The following MAP7 variants were observed in gnomAD, a reference collection of about 807,000 sequenced individuals.
MAP7 encodes the protein microtubule associated protein 7, also known as ensconsin.
MAP7 carries 52 observed loss-of-function variants against 94.8 expected under a neutral mutation model. The ratio of observed to expected loss-of-function variants is 0.55; its 90% CI spans 0.44 to 0.69. The LOEUF is 0.69. MAP7 is among the 30% of genes least tolerant of loss of function. MAP7 has a pLI of 0.00. For synonymous variants in MAP7, 350 were observed against 357.0 expected (o/e 0.98, Z 0.22); for missense variants, 940 against 964.6 (o/e 0.97, Z 0.34).
chr6:136,511,026 G>A (rs1302723666), intron 1 of MAP7, among the ~76,000 whole-genome samples: 1 of 152,106 alleles, frequency 6.6e-6, no homozygotes, highest in Non-Finnish European at 1.5e-5. Context: ...CACACAGCTG[G>A]CTGAATGAAG....
chr6:136,522,102 T>C (rs1231937993), intron 1 of MAP7, among the ~76,000 whole-genome samples: 1 of 152,132 alleles, frequency 6.6e-6, no homozygotes, highest in East Asian at 1.9e-4. Context: ...CTCAGCAAAA[T>C]TCACCGTCTA....
At chr6:136,534,178 G>T (rs1053829407) in intron 1 of MAP7, among the ~76,000 whole-genome samples, 11 of 152,186 alleles carry the variant, frequency 7.2e-5, no homozygotes, top group Admixed American at 2.0e-4. Flanking sequence ...TGTTTCTCTG[G>T]AGAGAAATAT....
intron 1 of MAP7, among the ~76,000 whole-genome samples, chr6:136,425,910 C>T (rs1467886890): frequency 6.6e-6 from 1 of 152,184 alleles, no homozygotes; most frequent in African/African-American, 2.4e-5. Flanking sequence ...TACACTACTC[C>T]ATGGGACATC....
chr6:136,400,633 A>G (rs1025927096), intron 3 of MAP7, among the ~76,000 whole-genome samples: 1 of 152,196 alleles, frequency 6.6e-6, no homozygotes, highest in Non-Finnish European at 1.5e-5. Flanking sequence ...TAACTGTGGG[A>G]CTATTGCTAC....
chr6:136,398,996 G>C (rs1378108482), intron 3 of MAP7, among the ~76,000 whole-genome samples: 2 of 152,166 alleles, frequency 1.3e-5, no homozygotes, highest in Non-Finnish European at 2.9e-5. Context: ...AAAAGAAAAG[G>C]TGACATTCAG....
At chr6:136,499,308 C>A (rs1819186551) in intron 1 of MAP7, among the ~76,000 whole-genome samples, 1 of 152,104 alleles carries the variant, frequency 6.6e-6, no homozygotes, top group Non-Finnish European at 1.5e-5. Flanking sequence ...AGAACCCACC[C>A]ACCTCCTCTG....
At chr6:136,405,938 T>C (rs1286216729) in intron 3 of MAP7, among the ~76,000 whole-genome samples, 3 of 152,228 alleles carry the variant, frequency 2.0e-5, no homozygotes, top group Non-Finnish European at 4.4e-5. Context: ...TCTTGGAATA[T>C]AAATTCCAGG....
intron 1 of MAP7, among the ~76,000 whole-genome samples, chr6:136,433,705 C>T (rs1795590806): frequency 6.6e-6 from 1 of 152,190 alleles, no homozygotes; most frequent in African/African-American, 2.4e-5. Flanking sequence ...GGGTTCCAGG[C>T]CCCAGCTTCT....
At chr6:136,438,003 A>G (rs550253180) in intron 1 of MAP7, among the ~76,000 whole-genome samples, 19 of 152,332 alleles carry the variant, frequency 1.2e-4, no homozygotes, top group African/African-American at 4.6e-4. Context: ...GAAGGTCTAC[A>G]GAGAGTCTAC....
At chr6:136,387,596 G>T (rs1047848088) in intron 5 of MAP7, among the ~76,000 whole-genome samples, 3 of 152,070 alleles carry the variant, frequency 2.0e-5, no homozygotes, top group Non-Finnish European at 2.9e-5. Flanking sequence ...TCAGGCAATT[G>T]GCAATCACAG....
chr6:136,526,429 C>T (rs767221552), intron 1 of MAP7: 40 of 987,578 alleles, frequency 4.1e-5, no homozygotes, highest in Non-Finnish European at 4.4e-5. Context: ...TGCTACCACA[C>T]AGTAAAATAT....
intron 1 of MAP7, among the ~76,000 whole-genome samples, chr6:136,548,958 CA>C (rs1487847735): frequency 6.6e-6 from 1 of 152,142 alleles, no homozygotes; most frequent in Non-Finnish European, 1.5e-5. Context: ...TTCTCCACCC[CA>C]AAACAAAATA....
intron 1 of MAP7, among the ~76,000 whole-genome samples, chr6:136,489,897 G>T (rs1158097405): frequency 3.3e-5 from 5 of 152,068 alleles, no homozygotes; most frequent in African/African-American, 4.8e-5. Context: ...GCAGTCTCCT[G>T]CCTTCTACCA....
chr6:136,405,088 T>G (rs1476107495), intron 3 of MAP7, among the ~76,000 whole-genome samples: 1 of 152,198 alleles, frequency 6.6e-6, no homozygotes, highest in East Asian at 1.9e-4. Context: ...ACATGATACT[T>G]TGGTAACGTT....
intron 3 of MAP7, among the ~76,000 whole-genome samples, chr6:136,411,149 C>T (rs755189585): frequency 2.0e-5 from 3 of 152,160 alleles, no homozygotes; most frequent in Non-Finnish European, 2.9e-5. Flanking sequence ...CAGTTGCTAA[C>T]GTCACAAGGG....
intron 16 of MAP7, among the ~76,000 whole-genome samples, chr6:136,354,420 AAT>A (rs1476481115): frequency 1.4e-5 from 2 of 144,750 alleles, no homozygotes; most frequent in African/African-American, 5.1e-5. Flanking sequence ...TATATATAAA[AAT>A]ATATATAGTA....
intron 16 of MAP7, among the ~76,000 whole-genome samples, chr6:136,353,251 G>A (rs2128536068): frequency 6.6e-6 from 1 of 152,260 alleles, no homozygotes; most frequent in South Asian, 2.1e-4. Context: ...CCATTTTCAG[G>A]TGTATTTCAA....
intron 7 of MAP7, 55 bp downstream of exon 7, chr6:136,377,700 T>C: frequency 7.7e-7 from 1 of 1,301,384 alleles, no homozygotes; most frequent in Non-Finnish European, 1.1e-6. Context: ...TAGACGAATA[T>C]GCTTCAAAGG....
chr6:136,525,763 C>T lies in MAP7; in HGVS notation c.67+24579G>A, dbSNP rs1827642264. On this transcript the variant is annotated intron_variant, in intron 1 of 17. Transcript: ENST00000354570. The stretch of plus-strand genomic sequence containing the variant: ...TGCACGAGCAGCACAGTTTATAAAA[C>T]GTTCTATAGGCAGTGTGGGAGACAA... 11 of 1,463,592 alleles carry T rather than the reference C, an allele frequency of 7.5e-6. No homozygotes were observed. The South Asian group carries it at 1.1e-4, about 15-fold the overall frequency. 90.7% of individuals were successfully genotyped at this position (1,463,592 alleles called of 1,614,324 possible).
Sources: allele counts gnomAD v4.1 joint callset (sites outside exome capture counted in the v4.1 genomes callset), GRCh38; gene constraint gnomAD v4.1.1; transcripts MANE v1.5; gene names NCBI Gene and HGNC (gene_info 2026-07-23, HGNC 2026-07-21).